The following PKD1L1 variants were observed in gnomAD, a reference collection of about 807,000 sequenced individuals.
The protein encoded by PKD1L1 is polycystin-1-like protein 1.
PKD1L1 carries 236 observed loss-of-function variants against 323.4 expected under a neutral mutation model. The observed-to-expected ratio is 0.73, with a 90% CI of 0.66 to 0.81. The LOEUF (loss-of-function observed/expected upper bound fraction) is 0.81, where lower values mean the gene tolerates loss of function less well. Ranked by LOEUF, PKD1L1 falls within the 40% of genes least tolerant of loss-of-function variation. The probability of loss-of-function intolerance (pLI) is 0.00; values close to 1 mark genes in which losing one functional copy is unlikely to be tolerated. For synonymous variants in PKD1L1, 1,344 were observed against 1,335.0 expected (o/e 1.01, Z -0.15); for missense variants, 3,320 against 3,508.0 (o/e 0.95, Z 1.35).
intron 39 of PKD1L1, 88 bp from the exon 40 acceptor site, chr7:47,834,473 A>G (rs1350011894): frequency 3.8e-6 from 4 of 1,052,254 alleles, no homozygotes; most frequent in Non-Finnish European, 5.8e-6. Context: ...CGGGGACACT[A>G]CTTTCTTCAG....
chr7:47,819,510 C>T lies in PKD1L1; in HGVS notation c.6965+1566G>A, dbSNP rs1249002312. 3.7e-6 allele frequency: 5 copies of T among 1,341,004 alleles called. No individual in the cohort carries two copies. The African/African-American group carries it at 6.1e-5, about 16-fold the overall frequency. The allele number at this position is 1,341,004 out of a possible 1,614,324, so 83.1% of individuals were successfully genotyped here. A position where few individuals can be genotyped will look rare whatever the true frequency, so the allele number is the denominator to read the frequency against. ...TATCACTTTGTTTTGCACACAGCAC[C>T]ACCTACTGGCACAGGCTGTGCACTT... On this transcript the variant is annotated intron_variant, in intron 46 of 56. Coordinates refer to ENST00000289672, the MANE Select transcript of PKD1L1 (RefSeq NM_138295.5).
At chr7:47,907,976 A>G in intron 9 of PKD1L1, 101 bp downstream of exon 9, 1 of 1,174,062 alleles carries the variant, frequency 8.5e-7, no homozygotes, top group Non-Finnish European at 1.2e-6. Context: ...GTTGTATCAA[A>G]TTTAGAACTG....
upstream of PKD1L1, among the ~76,000 whole-genome samples, chr7:47,949,252 C>T (rs906821727): frequency 6.6e-6 from 1 of 151,546 alleles, no homozygotes; most frequent in Admixed American, 6.6e-5. Flanking sequence ...ACCTGTAGTC[C>T]CAGCTACTCG....
At chr7:47,794,347 G>A (rs146673608) in intron 55 of PKD1L1, among the ~76,000 whole-genome samples, 54 of 152,306 alleles carry the variant, frequency 3.5e-4, no homozygotes, top group African/African-American at 1.2e-3. Flanking sequence ...GAGACTTGGT[G>A]CCCTGTGTCC....
chr7:47,782,454 T>A (rs1786719934), intron 56 of PKD1L1, among the ~76,000 whole-genome samples: 1 of 152,212 alleles, frequency 6.6e-6, no homozygotes, highest in Non-Finnish European at 1.5e-5. Flanking sequence ...CTCTACTTTT[T>A]CAAGGACAAG....
intron 52 of PKD1L1, among the ~76,000 whole-genome samples, chr7:47,806,052 C>T (rs1784770448): frequency 6.6e-6 from 1 of 152,068 alleles, no homozygotes. Context: ...GGGCAGGGAA[C>T]ATAATGAGAA....
chr7:47,839,704 G>C lies in PKD1L1; in HGVS notation c.5553-42C>G, dbSNP rs1238927666. The C allele has an allele frequency of 3.3e-6, 5 of 1,534,232 alleles. No homozygotes were observed. On this transcript the variant is annotated intron_variant, in intron 35 of 56. Coordinates refer to ENST00000289672, the MANE Select transcript of PKD1L1 (RefSeq NM_138295.5). The surrounding 1 kb of genome is among the most constrained non-coding windows in gnomAD (Gnocchi z 4.3). ...CAGCATCTCAGCCGGGTGGGTGACA[G>C]TGTGGTCCTGGCATCCCATCAGCCC...
At position 47,943,529 on chromosome 7, in the gene PKD1L1, A is replaced by G; in HGVS notation, c.45-18T>C. The stretch of plus-strand genomic sequence containing the variant: ...GGAGACACCTAAGGGAAAGAAAATA[A>G]CCAGAGGAAAATTAAATTAAGTACA... On this transcript the variant is annotated intron_variant, in intron 1 of 56. Coordinates refer to ENST00000289672, the MANE Select transcript of PKD1L1 (RefSeq NM_138295.5). The G allele has an allele frequency of 6.3e-7, 1 of 1,589,278 alleles. No homozygotes were observed. The highest frequency in any genetic ancestry group is 1.3e-5 in the African/African-American group (1 of 74,494).
the PKD1L1 span, among the ~76,000 whole-genome samples, chr7:47,957,862 A>ATATATATATATATATATATATATATATAT: frequency 3.0e-5 from 4 of 134,692 alleles, no homozygotes; most frequent in South Asian, 2.3e-4. Flanking sequence ...ATTAAAAAAA[A>ATATATATATATATATATATATATATATAT]ATATATATAT....
chr7:47,839,004 G>C lies in PKD1L1; in HGVS notation c.5769+442C>G, dbSNP rs752025478. Among the ~76,000 whole-genome samples, 1 of 151,956 alleles carries C rather than the reference G, an allele frequency of 6.6e-6. No individual in the cohort carries two copies. The highest frequency in any genetic ancestry group is 1.5e-5 in the Non-Finnish European group (1 of 68,008). ...GCAAAAATCACGACTTCCATGGTTA[G>C]TTTGTGAGGTTATCTGTTATTCTGT... On this transcript the variant is annotated intron_variant, in intron 36 of 56. Coordinates refer to ENST00000289672, the MANE Select transcript of PKD1L1 (RefSeq NM_138295.5). The surrounding 1 kb of genome is among the most constrained non-coding windows in gnomAD (Gnocchi z 4.3).
intron 6 of PKD1L1, among the ~76,000 whole-genome samples, chr7:47,930,111 G>A (rs1245997309): frequency 6.6e-6 from 1 of 152,172 alleles, no homozygotes; most frequent in Admixed American, 6.5e-5. Context: ...AGCATATGGT[G>A]TTGGTACCAT....
chr7:47,941,669 G>C (rs1408982426), intron 2 of PKD1L1, among the ~76,000 whole-genome samples: 2 of 152,280 alleles, frequency 1.3e-5, no homozygotes, highest in East Asian at 3.9e-4. Context: ...GAGGTATGAA[G>C]TAATTTCCTG....
intron 26 of PKD1L1, among the ~76,000 whole-genome samples, chr7:47,859,221 G>A (rs1186988795): frequency 6.6e-6 from 1 of 152,126 alleles, no homozygotes; most frequent in African/African-American, 2.4e-5. Context: ...GATGTTATTT[G>A]TTTTAAACCC....
intron 16 of PKD1L1, among the ~76,000 whole-genome samples, chr7:47,889,411 T>C (rs79909251): frequency 0.053 from 8,006 of 152,256 alleles, 540 homozygotes; most frequent in African/African-American, 0.16. Flanking sequence ...GTTGTAGCCT[T>C]GTACCTGGCA....
At chr7:47,869,264 C>T (rs899888947) in intron 24 of PKD1L1, among the ~76,000 whole-genome samples, 2 of 152,122 alleles carry the variant, frequency 1.3e-5, no homozygotes, top group Admixed American at 6.5e-5. Flanking sequence ...CATCCAACCA[C>T]ATCAATAATA....
chr7:47,923,489 C>G (rs1166941910), intron 7 of PKD1L1, among the ~76,000 whole-genome samples: 1 of 151,810 alleles, frequency 6.6e-6, no homozygotes, highest in Non-Finnish European at 1.5e-5. Flanking sequence ...CACTGAAGAA[C>G]TTACTCATGT....
chr7:47,866,770 G>A (rs964482140), intron 24 of PKD1L1, among the ~76,000 whole-genome samples, 156 bp from the exon 25 acceptor site: 5 of 152,040 alleles, frequency 3.3e-5, no homozygotes, highest in Non-Finnish European at 7.4e-5. Flanking sequence ...TCTGTGCAAC[G>A]GAAACTCTAA....
In PKD1L1 at chr7:47,936,901, C is replaced by T. The variant is rs756910494; in HGVS notation, c.343G>A (p.Ala115Thr). 9.3e-6 allele frequency: 15 copies of T among 1,613,664 alleles called. No homozygotes were observed. In the South Asian group the frequency reaches 1.5e-4, roughly 17 times the overall value. ...GCCTGTGTTTTTTCATTAACAACAG[C>T]CTGTGTTTTTTCATTAACAACACTT... ...ALSVVNEKTQ[A>T]VVNEKTQAPL... The change falls in exon 4 of 57, where the codon GCT becomes ACT. Residue 115 changes from alanine to threonine, a missense_variant. By Grantham distance (58) the Ala-to-Thr change is moderately conservative. Transcript: ENST00000289672.
intron 55 of PKD1L1, chr7:47,795,212 A>G (rs1784492743): frequency 4.8e-5 from 17 of 352,816 alleles, no homozygotes; most frequent in South Asian, 3.6e-4. Flanking sequence ...CTAGAATTAT[A>G]TCTCCCAGAA....
Sources: allele counts gnomAD v4.1 joint callset (sites outside exome capture counted in the v4.1 genomes callset), GRCh38; gene constraint gnomAD v4.1.1; non-coding constraint Gnocchi (gnomAD v3.1); transcripts MANE v1.5; gene names NCBI Gene and HGNC (gene_info 2026-07-23, HGNC 2026-07-21).